Variants in NBPF11 observed in about 807,000 individuals in gnomAD.
NBPF11 encodes the protein NBPF member 11.
A neutral mutation model predicts 93.9 loss-of-function variants in NBPF11; 72 were observed. That is an observed-to-expected ratio of 0.77 (90% CI 0.63 to 0.93). The LOEUF is 0.93. Ranked by LOEUF, NBPF11 falls within the 40% of genes least tolerant of loss-of-function variation. The pLI is 0.00. For synonymous variants in NBPF11, 224 were observed against 304.9 expected (o/e 0.73, Z 2.76); for missense variants, 705 against 802.2 (o/e 0.88, Z 1.46).
intron 14 of NBPF11, among the ~76,000 whole-genome samples, chr1:148,115,400 G>A (rs587662977): frequency 6.7e-6 from 1 of 149,842 alleles, no homozygotes; most frequent in Admixed American, 6.6e-5. Context: ...GAAACCTGGG[G>A]AAAAATATTT....
intron 1 of NBPF11, chr1:148,149,564 T>A: frequency 6.3e-7 from 1 of 1,593,734 alleles, no homozygotes; most frequent in Non-Finnish European, 8.5e-7. Context: ...CCAGCGCGCC[T>A]AGCGGCGGCC....
At chr1:148,123,742 T>A (rs1183984040) in intron 7 of NBPF11, 111 bp downstream of exon 7, 6 of 1,609,778 alleles carry the variant, frequency 3.7e-6, no homozygotes, top group Middle Eastern at 2.2e-4. Context: ...TGGCCACATA[T>A]GTGTAGTAGA....
intron 2 of NBPF11, among the ~76,000 whole-genome samples, chr1:148,138,022 T>C (rs1476635519): frequency 2.6e-5 from 4 of 151,370 alleles, no homozygotes; most frequent in Admixed American, 6.6e-5. Flanking sequence ...TTGATCATTA[T>C]TGGGCGTTTC....
At chr1:148,124,500 G>A (rs1668620100) in intron 6 of NBPF11, among the ~76,000 whole-genome samples, 1 of 150,768 alleles carries the variant, frequency 6.6e-6, no homozygotes, top group African/African-American at 2.5e-5. Context: ...AGAATGACAG[G>A]GTCGAGAAGG....
rs1440298109 is a variant in NBPF11 at position 148,103,560 on chromosome 1, A to G, written c.*336T>C. On this transcript the variant is annotated 3_prime_UTR_variant, in exon 24 of 24. Transcript: ENST00000682118. ...AATAGGAATAGAGCCATGCCCACTGACCCATCCTATGTCTGGGCTTCCAAA... is the reference window on the plus strand; with the variant it reads ...AATAGGAATAGAGCCATGCCCACTGGCCCATCCTATGTCTGGGCTTCCAAA... 1.2e-5 allele frequency: 19 copies of G among 1,588,320 alleles called. No homozygotes were observed. The highest frequency in any genetic ancestry group is 4.5e-5 in the South Asian group (4 of 88,398).
At chr1:148,111,862 G>A (rs1208719590) in intron 15 of NBPF11, among the ~76,000 whole-genome samples, 14 of 150,414 alleles carry the variant, frequency 9.3e-5, no homozygotes, top group African/African-American at 3.5e-4. Flanking sequence ...CCCCAACCTA[G>A]CAAGGAAGGC....
chr1:148,105,812 CA>C (rs1663456620), intron 21 of NBPF11, among the ~76,000 whole-genome samples: 1 of 138,608 alleles, frequency 7.2e-6, no homozygotes, highest in Admixed American at 7.2e-5. Flanking sequence ...GTGAATTGTC[CA>C]GGTGACACAC....
chr1:148,127,014 G>A lies in NBPF11; in HGVS notation c.-11C>T. 1 of 674,092 alleles carries A rather than the reference G, an allele frequency of 1.5e-6. No individual in the cohort carries two copies. The highest frequency in any genetic ancestry group is 2.6e-5 in the East Asian group (1 of 38,468). The allele number at this position is 674,092 out of a possible 1,614,324, so 41.8% of individuals were successfully genotyped here. A position where few individuals can be genotyped will look rare whatever the true frequency, so the allele number is the denominator to read the frequency against. On this transcript the variant is annotated 5_prime_UTR_variant, in exon 5 of 24. The change creates a premature stop within an existing upstream ORF in the 5' untranslated region. Transcript: ENST00000682118. Reference sequence around the variant, plus strand: ...GGCTGATACCACCATGCTGACGTTTGTGGCAGAAGAGGTGGAGTCAGGGAC... The same window carrying A: ...GGCTGATACCACCATGCTGACGTTTATGGCAGAAGAGGTGGAGTCAGGGAC...
At position 148,120,577 on chromosome 1, in the gene NBPF11, C is replaced by A. The variant is rs1173465299; in HGVS notation, c.912G>T (p.Gln304His). The A allele has an allele frequency of 5.9e-6, 8 of 1,363,728 alleles. 1 individual carries two copies. The South Asian group carries it at 8.1e-5, about 14-fold the overall frequency. The allele number at this position is 1,363,728 out of a possible 1,614,324, so 84.5% of individuals were successfully genotyped here. Residue 304 changes from glutamine (Q) to histidine (H), a missense_variant, in exon 10 of 24, where the codon CAG becomes CAT. Coordinates refer to ENST00000682118, the MANE Select transcript of NBPF11 (RefSeq NM_001385469.3). The stretch of plus-strand genomic sequence containing the variant: ...ATTTCTCTTTGAGGCTTCTGAACTG[C>A]TGTTTCTTCTCTGCCAGCTGGGGGC... ...KLCPQLAEKKQQFRSLKEKCF... is the reference protein window; with the variant it reads ...KLCPQLAEKKHQFRSLKEKCF...
intron 2 of NBPF11, among the ~76,000 whole-genome samples, chr1:148,138,955 G>T (rs1671769626): frequency 1.3e-5 from 2 of 151,418 alleles, no homozygotes; most frequent in South Asian, 4.2e-4. Context: ...GCCAGGTGTG[G>T]TGGCAGGCGC....
In NBPF11 at chr1:148,115,161, T is replaced by TTG. The variant is rs1666176001; in HGVS notation, c.1585+631_1585+632insCA. On this transcript the variant is annotated intron_variant, in intron 14 of 23. Transcript: ENST00000682118. The stretch of plus-strand genomic sequence containing the variant: ...GCCTAGGTGACAGAGCAGGACTCCA[T>TTG]CACAAAAAAAAAAAAAAAAAAAAAA... Among the ~76,000 whole-genome samples the TTG allele has an allele frequency of 5.5e-3, 144 of 26,268 alleles. 11 individuals carry two copies. The highest frequency in any genetic ancestry group is 0.038 in the African/African-American group (133 of 3,486). The allele number at this position is 26,268 out of a possible 152,430, so 17.2% of individuals were successfully genotyped here.
intron 1 of NBPF11, chr1:148,146,586 G>A: frequency 6.2e-7 from 1 of 1,608,552 alleles, no homozygotes; most frequent in Non-Finnish European, 8.5e-7. Flanking sequence ...GCGCACCCGG[G>A]CGCTGGAAGC....
At chr1:148,108,899 C>T (rs1388332676) in intron 17 of NBPF11, among the ~76,000 whole-genome samples, 7 of 123,768 alleles carry the variant, frequency 5.7e-5, no homozygotes, top group Admixed American at 4.8e-4. Context: ...ACAGTGTGAG[C>T]TCAGTCAATT....
chr1:148,108,862 CACA>C, intron 17 of NBPF11, among the ~76,000 whole-genome samples: 1 of 148,632 alleles, frequency 6.7e-6, no homozygotes, highest in Admixed American at 6.7e-5. Context: ...CACACACACA[CACA>C]CACACACACA....
At position 148,132,702 on chromosome 1, in the gene NBPF11, A is replaced by G. The variant is rs1571476517; in HGVS notation, c.-36+2970T>C. ...TTGTAGTTTTTGGTGTACTGGCCTT[A>G]CATAAATTTTGTTGACTTTCCTTTT... On this transcript the variant is annotated intron_variant, in intron 4 of 23. Transcript: ENST00000682118. Among the ~76,000 whole-genome samples, 3 of 88,144 alleles carry G rather than the reference A, an allele frequency of 3.4e-5. No individual in the cohort carries two copies. In the South Asian group the frequency reaches 1.2e-3, roughly 36 times the overall value. 57.8% of individuals were successfully genotyped at this position (88,144 alleles called of 152,430 possible). A position where few individuals can be genotyped will look rare whatever the true frequency, so the allele number is the denominator to read the frequency against.
Position 148,102,685 on chromosome 1 carries a change from G to C in NBPF11, c.*1211C>G, listed in dbSNP as rs1201376853. On this transcript the variant is annotated 3_prime_UTR_variant, in exon 24 of 24. Transcript: ENST00000682118. ...ACCTGTCCTCTATAAACAAGTCCAT[G>C]TCACCACCATCCATGACAACAACAA... 6.6e-6 allele frequency: 1 copy of C among 151,006 alleles called. No individual in the cohort carries two copies. Among genetic ancestry groups the C allele is most frequent in the Non-Finnish European group, 1.5e-5 (1 of 67,950 alleles). The allele number at this position is 151,006 out of a possible 1,614,324, so 9.4% of individuals were successfully genotyped here.
intron 1 of NBPF11, chr1:148,146,818 A>T (rs1673194684): frequency 1.2e-6 from 2 of 1,613,482 alleles, no homozygotes; most frequent in Non-Finnish European, 1.7e-6. Context: ...CCACTGCAAC[A>T]TCTTCACCTA....
intron 11 of NBPF11, among the ~76,000 whole-genome samples, chr1:148,118,309 C>T (rs1667043446): frequency 6.6e-6 from 1 of 151,920 alleles, no homozygotes; most frequent in Admixed American, 6.6e-5. Flanking sequence ...GTGGTGATGG[C>T]ACACCATTTT....
intron 3 of NBPF11, among the ~76,000 whole-genome samples, chr1:148,136,310 G>A (rs1276944107): frequency 6.6e-6 from 1 of 151,588 alleles, no homozygotes; most frequent in Non-Finnish European, 1.5e-5. Context: ...GGAAAAACTG[G>A]AAACATTCAA....
Sources: gnomAD v4.1 joint callset for allele counts (sites outside exome capture counted in the v4.1 genomes callset) on GRCh38, gnomAD v4.1.1 for gene constraint, MANE v1.5 for transcripts, NCBI Gene and HGNC (gene_info 2026-07-23, HGNC 2026-07-21) for gene names.